The following CAST variants were observed in gnomAD, a reference collection of about 807,000 sequenced individuals.
The protein encoded by CAST is calpastatin, also known as MIR583 host.
In CAST, 76 loss-of-function variants were observed where a neutral mutation model predicts 119.6. That is an observed-to-expected ratio of 0.64 (90% confidence interval 0.53 to 0.77). The LOEUF (loss-of-function observed/expected upper bound fraction) is 0.77. Ranked by LOEUF, CAST falls within the 30% of genes least tolerant of loss-of-function variation. The pLI is 0.00. For missense variants in CAST, 953 were observed against 946.5 expected, an observed-to-expected ratio of 1.01 and a Z score of -0.09; for synonymous variants, 319 against 331.6, an observed-to-expected ratio of 0.96 and a Z score of 0.41.
the CAST span, among the ~76,000 whole-genome samples, chr5:96,201,974 A>C: frequency 6.6e-6 from 1 of 152,122 alleles, no homozygotes; most frequent in Non-Finnish European, 1.5e-5. Flanking sequence ...AAATAAAATA[A>C]GATGAAATAG....
the CAST span, among the ~76,000 whole-genome samples, chr5:96,173,137 C>G: frequency 6.6e-6 from 1 of 152,096 alleles, no homozygotes; most frequent in Non-Finnish European, 1.5e-5. Context: ...TGCTTTGTGG[C>G]GGCTTGACTA....
At chr5:96,671,220 C>T (rs1016068468) in intron 1 of CAST, among the ~76,000 whole-genome samples, 24 of 152,150 alleles carry the variant, frequency 1.6e-4, no homozygotes, top group African/African-American at 5.6e-4. Flanking sequence ...CTCCTGTCTT[C>T]TATGGCCTTG....
intron 25 of CAST, chr5:96,762,909 T>C (rs1768501780): frequency 2.1e-6 from 1 of 473,558 alleles, no homozygotes; most frequent in East Asian, 3.8e-5. Context: ...AGCATCAATA[T>C]TGTTTTAATT....
rs908715666 is a variant in CAST at position 96,764,476 on chromosome 5, A to G, written c.1933-745A>G. Among the ~76,000 whole-genome samples, 5 of 152,194 alleles carry G rather than the reference A, an allele frequency of 3.3e-5. No individual in the cohort carries two copies. The East Asian group carries it at 9.6e-4, about 29-fold the overall frequency. ...CTCCCATTTCTGCAATTTCACTTCC[A>G]TGAGCTTCCTGAAGATGAAAAGAGA... On this transcript the variant is annotated intron_variant, in intron 25 of 31. Coordinates refer to ENST00000675179, the MANE Select transcript of CAST (RefSeq NM_001750.7).
chr5:96,754,849 A>G, intron 22 of CAST, 108 bp downstream of exon 22: 1 of 697,132 alleles, frequency 1.4e-6, no homozygotes, highest in East Asian at 2.6e-5. Flanking sequence ...TTGTTTCTTC[A>G]TATTTCAAAC....
the CAST span, among the ~76,000 whole-genome samples, chr5:96,479,948 A>G: frequency 6.6e-6 from 1 of 152,186 alleles, no homozygotes; most frequent in Non-Finnish European, 1.5e-5. Flanking sequence ...GTTGAGGGAA[A>G]GCTGAGCCCT....
At chr5:95,999,054 GA>G in the CAST span, among the ~76,000 whole-genome samples, 657 of 151,112 alleles carry the variant, frequency 4.3e-3, 8 homozygotes, top group African/African-American at 0.015. Context: ...TCTTTTTTGA[GA>G]TTTTTTTAGT....
intron 3 of CAST, among the ~76,000 whole-genome samples, chr5:96,703,576 C>G (rs1195075673): frequency 2.0e-5 from 3 of 152,128 alleles, no homozygotes; most frequent in African/African-American, 7.2e-5. Flanking sequence ...GGTTAGGGAC[C>G]CGGCATTCTC....
chr5:96,440,745 A>T, the CAST span, among the ~76,000 whole-genome samples: 1 of 152,194 alleles, frequency 6.6e-6, no homozygotes, highest in African/African-American at 2.4e-5. Context: ...TAGGTATGGG[A>T]AAGTATTTCA....
At chr5:96,014,351 C>T in the CAST span, among the ~76,000 whole-genome samples, 1 of 151,846 alleles carries the variant, frequency 6.6e-6, no homozygotes, top group African/African-American at 2.4e-5. Flanking sequence ...TCTGAAATAC[C>T]TCTTGAAGGA....
chr5:96,434,094 C>T, the CAST span: 1 of 151,952 alleles, frequency 6.6e-6, no homozygotes, highest in Non-Finnish European at 1.5e-5. Context: ...CTCAGTAGAG[C>T]TCTTCACTTT....
At chr5:96,355,780 C>T in the CAST span, among the ~76,000 whole-genome samples, 1 of 152,088 alleles carries the variant, frequency 6.6e-6, no homozygotes, top group Admixed American at 6.5e-5. Flanking sequence ...CAGCTCATTG[C>T]AACCTCTGCT....
chr5:95,994,736 A>G, the CAST span, among the ~76,000 whole-genome samples: 1 of 152,186 alleles, frequency 6.6e-6, no homozygotes, highest in African/African-American at 2.4e-5. Context: ...TAAAAGTTCA[A>G]GATAATTATT....
At chr5:96,597,327 C>T (rs909486847) in intron 1 of CAST, among the ~76,000 whole-genome samples, 2 of 152,180 alleles carry the variant, frequency 1.3e-5, no homozygotes, top group African/African-American at 2.4e-5. Context: ...GTGGCCTTTT[C>T]CCCCACTCAC....
At chr5:96,377,573 C>T in the CAST span, among the ~76,000 whole-genome samples, 2 of 152,130 alleles carry the variant, frequency 1.3e-5, no homozygotes, top group Admixed American at 6.6e-5. Flanking sequence ...GAGCAACAGG[C>T]TATAGCGGGT....
At chr5:96,576,123 G>T (rs184533233) in intron 1 of CAST, among the ~76,000 whole-genome samples, 6 of 152,166 alleles carry the variant, frequency 3.9e-5, no homozygotes, top group Admixed American at 1.3e-4. Context: ...CTGGTGTTTT[G>T]TTGAGGAAAT....
intron 1 of CAST, among the ~76,000 whole-genome samples, chr5:96,558,860 G>T (rs1343395570): frequency 2.0e-5 from 3 of 152,190 alleles, no homozygotes; most frequent in South Asian, 2.1e-4. Flanking sequence ...CATTTTATGA[G>T]GCCAGCATCA....
chr5:96,417,067 C>T, the CAST span, among the ~76,000 whole-genome samples: 2 of 152,168 alleles, frequency 1.3e-5, no homozygotes, highest in African/African-American at 2.4e-5. Context: ...GATATACCAA[C>T]ATAGAGTGAA....
the CAST span, among the ~76,000 whole-genome samples, chr5:96,422,141 A>G: frequency 6.6e-5 from 10 of 152,104 alleles, 1 homozygote; most frequent in Admixed American, 6.6e-4. Flanking sequence ...CCAGGCAGAG[A>G]TGATGAACAC....
Sources: allele counts gnomAD v4.1 joint callset (sites outside exome capture counted in the v4.1 genomes callset), GRCh38; gene constraint gnomAD v4.1.1; transcripts MANE v1.5; gene names NCBI Gene and HGNC (gene_info 2026-07-23, HGNC 2026-07-21).